The following FIG4 variants were observed in gnomAD, a reference collection of about 807,000 sequenced individuals.
The protein encoded by FIG4 is polyphosphoinositide phosphatase.
Under a neutral mutation model 118.6 loss-of-function variants are expected in FIG4, and 112 were observed. That is an observed-to-expected ratio of 0.94 (90% CI 0.81 to 1.11). The LOEUF (loss-of-function observed/expected upper bound fraction) is 1.11, where lower values mean the gene tolerates loss of function less well. Ranked by LOEUF, FIG4 falls within the 50% of genes least tolerant of loss-of-function variation. FIG4 has a pLI of 0.00. For missense variants in FIG4, 969 were observed against 1,111.7 expected (o/e 0.87, Z 1.83); for synonymous variants, 369 against 381.2 (o/e 0.97, Z 0.37).
chr6:109,780,948 T>A (rs1003790957), intron 16 of FIG4, among the ~76,000 whole-genome samples: 1 of 152,216 alleles, frequency 6.6e-6, no homozygotes, highest in Non-Finnish European at 1.5e-5. Flanking sequence ...TCTAATGAAC[T>A]GGTGTTTAGA....
At chr6:109,741,377 G>A (rs1776317163) in intron 7 of FIG4, 67 bp from the exon 8 acceptor site, 1 of 984,024 alleles carries the variant, frequency 1.0e-6, no homozygotes, top group Non-Finnish European at 1.7e-6. Context: ...TTTATTTAAG[G>A]AATAATGACT....
rs749601812 is a variant in FIG4, at chr6:109,791,494, G to T, written c.2299G>T (p.Glu767Ter). 1.2e-6 allele frequency: 2 copies of T among 1,613,960 alleles called. No homozygotes were observed. Among genetic ancestry groups the T allele is most frequent in the African/African-American group, 2.7e-5 (2 of 74,948 alleles). Residue 767 changes from glutamate to a stop codon, truncating the protein, a stop_gained, in exon 20 of 23, where the codon GAA becomes TAA. Coordinates refer to ENST00000230124, the MANE Select transcript of FIG4 (RefSeq NM_014845.6). LOFTEE classifies it high-confidence loss of function. ...SSEDDSGTDR[E>*]EEGSVSQRST... ...TGAGGATGACTCTGGGACTGATCGG[G>T]AAGAAGAGGGCTCTGTGTCTCAGCG...
At chr6:109,785,067 A>G (rs1298936813) in intron 17 of FIG4, 39 bp downstream of exon 17, 2 of 1,185,672 alleles carry the variant, frequency 1.7e-6, no homozygotes, top group Non-Finnish European at 2.5e-6. Context: ...ACACTAACAT[A>G]TTTTGGCATT....
chr6:109,734,009 A>G (rs896522034), intron 5 of FIG4, among the ~76,000 whole-genome samples: 5 of 152,022 alleles, frequency 3.3e-5, no homozygotes, highest in Non-Finnish European at 5.9e-5. Context: ...GAAATAATTG[A>G]TTGTTAAAAA....
intron 16 of FIG4, among the ~76,000 whole-genome samples, chr6:109,781,213 A>G (rs1294988315): frequency 6.6e-6 from 1 of 152,192 alleles, no homozygotes; most frequent in Non-Finnish European, 1.5e-5. Context: ...AATCTTACCT[A>G]TTAATCCTAG....
chr6:109,718,359 C>T (rs910905970), intron 3 of FIG4, among the ~76,000 whole-genome samples: 4 of 152,124 alleles, frequency 2.6e-5, no homozygotes, highest in Admixed American at 6.5e-5. Context: ...AAATGCAAAC[C>T]GTATCAGTGG....
rs890674363 is a variant in FIG4, at chr6:109,731,492, C to T, written c.447-1145C>T. 5.9e-5 allele frequency among the ~76,000 whole-genome samples: 9 copies of T among 152,212 alleles called. No individual in the cohort carries two copies. The East Asian group carries it at 1.5e-3, about 26-fold the overall frequency. ...AAGTGTGTCATGTGTAGTTGGCTTTCCTTATCCATGGGTTCCACCTCTGTG... is the reference window on the plus strand; with the variant it reads ...AAGTGTGTCATGTGTAGTTGGCTTTTCTTATCCATGGGTTCCACCTCTGTG... On this transcript the variant is annotated intron_variant, in intron 4 of 22. Transcript: ENST00000230124.
intron 16 of FIG4, among the ~76,000 whole-genome samples, chr6:109,781,642 T>C (rs1777806032): frequency 6.6e-6 from 1 of 151,518 alleles, no homozygotes; most frequent in Non-Finnish European, 1.5e-5. Context: ...TCCTAAGTCT[T>C]TTTAACATGT....
At chr6:109,819,555 G>A (rs1028878997) in intron 22 of FIG4, among the ~76,000 whole-genome samples, 12 of 151,976 alleles carry the variant, frequency 7.9e-5, no homozygotes, top group Non-Finnish European at 1.0e-4. Context: ...TGCAACCTCC[G>A]CCTCCCAGGT....
intron 10 of FIG4, among the ~76,000 whole-genome samples, chr6:109,758,177 T>C (rs1776981453): frequency 1.3e-5 from 2 of 152,202 alleles, no homozygotes; most frequent in Non-Finnish European, 2.9e-5. Context: ...AGAACAAAGC[T>C]GTAGGCATCA....
chr6:109,822,588 C>T (rs1257794222), intron 22 of FIG4, among the ~76,000 whole-genome samples: 2 of 151,832 alleles, frequency 1.3e-5, no homozygotes, highest in East Asian at 1.9e-4. Context: ...ACAAGATGTT[C>T]CAGCTCTACC....
intron 6 of FIG4, among the ~76,000 whole-genome samples, chr6:109,736,253 G>C (rs1016985742): frequency 6.6e-6 from 1 of 152,122 alleles, no homozygotes; most frequent in African/African-American, 2.4e-5. Flanking sequence ...TGCCCTTGCA[G>C]CACTCTCAAA....
At chr6:109,702,939 C>T (rs767212011) in intron 1 of FIG4, among the ~76,000 whole-genome samples, 5 of 152,102 alleles carry the variant, frequency 3.3e-5, no homozygotes, top group Non-Finnish European at 5.9e-5. Flanking sequence ...GCACTACAGC[C>T]GCCATTCTGG....
Position 109,738,353 on chromosome 6 carries a change from T to C in FIG4, c.675T>C (p.Tyr225=). 6.2e-7 allele frequency: 1 copy of C among 1,609,272 alleles called. No individual in the cohort carries two copies. Among genetic ancestry groups the C allele is most frequent in the Non-Finnish European group, 8.5e-7 (1 of 1,175,838 alleles). Residue 225 remains tyrosine, a synonymous_variant, in exon 7 of 23, where the codon TAT becomes TAC. Transcript: ENST00000230124. ...SGVFGICSEP[Y]MKYVWNGELL... ...TATTTGGGATCTGTAGTGAGCCTTATATGAAATATGTATGGAATGGTGAAC... is the reference window on the plus strand; with the variant it reads ...TATTTGGGATCTGTAGTGAGCCTTACATGAAATATGTATGGAATGGTGAAC...
At chr6:109,701,612 A>G in intron 1 of FIG4, 3 of 445,150 alleles carry the variant, frequency 6.7e-6, no homozygotes, top group Non-Finnish European at 1.4e-5. Flanking sequence ...TTACTTGTTC[A>G]AGATTGTTAG....
At chr6:109,807,002 C>T (rs1778583415) in intron 22 of FIG4, among the ~76,000 whole-genome samples, 1 of 152,144 alleles carries the variant, frequency 6.6e-6, no homozygotes, top group African/African-American at 2.4e-5. Context: ...TCCAGTCTAT[C>T]ATTGATAGGC....
chr6:109,762,262 A>T, intron 12 of FIG4, 55 bp downstream of exon 12: 1 of 1,072,950 alleles, frequency 9.3e-7, no homozygotes. Context: ...TCTTATGGGT[A>T]TTCTAAATAC....
chr6:109,704,675 C>CA (rs36013882), intron 1 of FIG4, among the ~76,000 whole-genome samples: 864 of 67,410 alleles, frequency 0.013, 22 homozygotes, highest in East Asian at 0.029. Context: ...GACTCCATCT[C>CA]AAAAAAAAAA....
intron 22 of FIG4, among the ~76,000 whole-genome samples, chr6:109,822,435 T>C (rs1237312032): frequency 2.6e-5 from 4 of 152,200 alleles, no homozygotes; most frequent in Non-Finnish European, 5.9e-5. Flanking sequence ...GTAAATATTG[T>C]TAGTTTTTAT....
Sources: gnomAD v4.1 joint callset for allele counts (sites outside exome capture counted in the v4.1 genomes callset) on GRCh38, gnomAD v4.1.1 for gene constraint, MANE v1.5 for transcripts, NCBI Gene and HGNC (gene_info 2026-07-23, HGNC 2026-07-21) for gene names.